DNAI4: variants seen among roughly 807,000 people sequenced by gnomAD.
The protein encoded by DNAI4 is WD repeat domain 78.
In DNAI4, 85 loss-of-function variants were observed where a neutral mutation model predicts 105.8. The ratio of observed to expected loss-of-function variants is 0.80; its 90% CI spans 0.67 to 0.96. The LOEUF is 0.96. DNAI4 is among the 40% of genes least tolerant of loss of function. DNAI4 has a pLI of 0.00. For missense variants in DNAI4, 1,014 were observed against 1,005.6 expected, an observed-to-expected ratio of 1.01 and a Z score of -0.11; for synonymous variants, 352 against 331.5, an observed-to-expected ratio of 1.06 and a Z score of -0.67.
intron 9 of DNAI4, among the ~76,000 whole-genome samples, chr1:66,839,366 G>C (rs145727044): frequency 2.6e-5 from 4 of 151,980 alleles, no homozygotes; most frequent in African/African-American, 9.7e-5. Context: ...ACTTTACTTC[G>C]TTACAAAATA....
intron 2 of DNAI4, among the ~76,000 whole-genome samples, chr1:66,897,310 T>TA (rs1351282287): frequency 6.6e-6 from 1 of 152,202 alleles, no homozygotes; most frequent in African/African-American, 2.4e-5. Flanking sequence ...TGCTTTTGCT[T>TA]GCTTACAGTG....
intron 1 of DNAI4, among the ~76,000 whole-genome samples, chr1:66,908,185 C>G (rs1303606998): frequency 1.3e-5 from 2 of 152,332 alleles, no homozygotes; most frequent in East Asian, 3.9e-4. Context: ...AAATTTGATA[C>G]TGTAACATCT....
At chr1:66,892,697 G>A (rs978171380) in intron 3 of DNAI4, among the ~76,000 whole-genome samples, 8 of 152,034 alleles carry the variant, frequency 5.3e-5, no homozygotes, top group Non-Finnish European at 1.2e-4. Context: ...CCTGAGGTCA[G>A]GAGTTCGAGA....
intron 7 of DNAI4, among the ~76,000 whole-genome samples, chr1:66,852,851 A>C (rs1646424856): frequency 6.6e-6 from 1 of 152,166 alleles, no homozygotes; most frequent in Non-Finnish European, 1.5e-5. Context: ...TAGTGTCCTG[A>C]AAAAGATACC....
intron 13 of DNAI4, among the ~76,000 whole-genome samples, chr1:66,831,637 C>A (rs1343987676): frequency 6.6e-6 from 1 of 152,116 alleles, no homozygotes; most frequent in African/African-American, 2.4e-5. Context: ...CTGATTAATT[C>A]TGTCTACAAA....
chr1:66,868,459 G>T (rs578004751), intron 6 of DNAI4, among the ~76,000 whole-genome samples: 7 of 152,174 alleles, frequency 4.6e-5, no homozygotes, highest in Non-Finnish European at 1.0e-4. Flanking sequence ...GAGTAAAGCA[G>T]ATGGCTCTCT....
At chr1:66,901,827 T>C (rs1032422037) in intron 2 of DNAI4, among the ~76,000 whole-genome samples, 2 of 152,228 alleles carry the variant, frequency 1.3e-5, no homozygotes, top group African/African-American at 4.8e-5. Context: ...AGCTCTGTCA[T>C]TTAGGCTAGA....
chr1:66,887,186 A>C (rs1647235052), intron 4 of DNAI4, among the ~76,000 whole-genome samples: 10 of 152,174 alleles, frequency 6.6e-5, no homozygotes, highest in Admixed American at 5.2e-4. Context: ...ATACTAGTAA[A>C]ATACTCAGCC....
At chr1:66,918,342 C>A (rs1015141192) in intron 1 of DNAI4, among the ~76,000 whole-genome samples, 1 of 152,168 alleles carries the variant, frequency 6.6e-6, no homozygotes, top group African/African-American at 2.4e-5. Flanking sequence ...TTATTTTCTA[C>A]AGTTTGGACC....
At chr1:66,830,850 G>C (rs1645851869) in intron 13 of DNAI4, among the ~76,000 whole-genome samples, 1 of 150,712 alleles carries the variant, frequency 6.6e-6, no homozygotes, top group South Asian at 2.1e-4. Context: ...GGTGGTGTGT[G>C]GCTGTAATCC....
At chr1:66,848,490 G>T (rs1572644289) in intron 7 of DNAI4, among the ~76,000 whole-genome samples, 1 of 152,152 alleles carries the variant, frequency 6.6e-6, no homozygotes. Flanking sequence ...AAATTTCTGG[G>T]ACTATTGTTC....
rs1290129135 is a variant in DNAI4, at chr1:66,847,543, A to T, written c.1232T>A (p.Leu411Gln). The change falls in exon 8 of 17, where the codon CTG (leucine) becomes CAG (glutamine). Residue 411 changes from leucine (L) to glutamine (Q), a missense_variant. Physicochemically the swap from Leu to Gln is moderately radical, Grantham distance 113 (BLOSUM62 -2). Transcript: ENST00000371026. ...HQDLFFMERVLMENIFQPKLA... is the reference protein window; with the variant it reads ...HQDLFFMERVQMENIFQPKLA... ...TTTGGGCTGAAATATATTTTCCATC[A>T]GAACCCGTTCCATAAAAAATAAGTC... 6.2e-7 allele frequency: 1 copy of T among 1,613,858 alleles called. No homozygotes were observed. Among genetic ancestry groups the T allele is most frequent in the Non-Finnish European group, 8.5e-7 (1 of 1,179,980 alleles).
chr1:66,873,031 A>C (rs1293217324), intron 5 of DNAI4, among the ~76,000 whole-genome samples: 2 of 152,040 alleles, frequency 1.3e-5, no homozygotes, highest in African/African-American at 4.8e-5. Flanking sequence ...TCTTAATGTT[A>C]ATCATGTTTT....
intron 7 of DNAI4, among the ~76,000 whole-genome samples, chr1:66,850,796 G>A (rs1006966303): frequency 6.6e-6 from 1 of 151,800 alleles, no homozygotes; most frequent in Non-Finnish European, 1.5e-5. Context: ...ATGGACTATT[G>A]TGTATGCATA....
At position 66,847,468 on chromosome 1, in the gene DNAI4, T is replaced by G; in HGVS notation, c.1291+16A>C. On this transcript the variant is annotated intron_variant, in intron 8 of 16. Coordinates refer to ENST00000371026, the MANE Select transcript of DNAI4 (RefSeq NM_024763.5). The stretch of plus-strand genomic sequence containing the variant: ...CAACTGCACCCAGCCTAAACATGTT[T>G]ATTTTTTTTAAATACCTTTTAAAAC... 1 of 1,608,306 alleles carries G rather than the reference T, an allele frequency of 6.2e-7. No homozygotes were observed. The highest frequency in any genetic ancestry group is 8.5e-7 in the Non-Finnish European group (1 of 1,178,010).
chr1:66,915,567 A>G (rs558570327), intron 1 of DNAI4, among the ~76,000 whole-genome samples: 70 of 152,356 alleles, frequency 4.6e-4, no homozygotes, highest in African/African-American at 1.7e-3. Flanking sequence ...ATCTAAGGTT[A>G]TATTAAATTC....
chr1:66,871,752 T>C (rs1389932104), intron 5 of DNAI4, among the ~76,000 whole-genome samples: 1 of 152,234 alleles, frequency 6.6e-6, no homozygotes, highest in Admixed American at 6.5e-5. Context: ...AACATGCTAG[T>C]ACTAACTCCA....
rs962228935 is a variant in DNAI4, at chr1:66,872,911, T to A, written c.801-1402A>T. 2.6e-5 allele frequency among the ~76,000 whole-genome samples: 4 copies of A among 151,344 alleles called. No homozygotes were observed. The South Asian group carries it at 8.4e-4, about 32-fold the overall frequency. On this transcript the variant is annotated intron_variant, in intron 5 of 16. Coordinates refer to ENST00000371026, the MANE Select transcript of DNAI4 (RefSeq NM_024763.5). ...TATTTTTAATAAAGACAAGGTTTCA[T>A]CATGTTGGCCAGGCTGGTCTCAAAC...
At position 66,840,597 on chromosome 1, in the gene DNAI4, CCTT is replaced by C; in HGVS notation, c.1363_1365del (p.Lys455del). On this transcript the variant is annotated inframe_deletion, in exon 9 of 17. Transcript: ENST00000371026. Reference sequence around the variant, plus strand: ...TCTGCATGTATTTCTTCTTCCTCCTCCTTCTTAGATTCTTCCTCTACCTCTTCA... The same window carrying C: ...TCTGCATGTATTTCTTCTTCCTCCTCCTTAGATTCTTCCTCTACCTCTTCA... 1.2e-6 allele frequency: 2 copies of C among 1,614,178 alleles called. No individual in the cohort carries two copies. Among genetic ancestry groups the C allele is most frequent in the South Asian group, 1.1e-5 (1 of 91,076 alleles).
Sources: allele counts gnomAD v4.1 joint callset (sites outside exome capture counted in the v4.1 genomes callset), GRCh38; gene constraint gnomAD v4.1.1; transcripts MANE v1.5; gene names NCBI Gene and HGNC (gene_info 2026-07-23, HGNC 2026-07-21).